SPATC1: variants seen among roughly 807,000 people sequenced by gnomAD.
SPATC1 encodes speriolin.
In SPATC1, 35 loss-of-function variants were observed where a neutral mutation model predicts 36.5. That is an observed-to-expected ratio of 0.96 (90% CI 0.73 to 1.27). SPATC1 has a LOEUF of 1.27. Ranked by LOEUF, SPATC1 falls within the 50% of genes most tolerant of loss-of-function variation. The pLI, the probability that SPATC1 is intolerant of heterozygous loss-of-function variation, is 0.00. For synonymous variants in SPATC1, 361 were observed against 353.6 expected (o/e 1.02, Z -0.24); for missense variants, 779 against 796.0 (o/e 0.98, Z 0.26).
intron 1 of SPATC1, among the ~76,000 whole-genome samples, chr8:144,038,847 T>C (rs927251363): frequency 1.3e-5 from 2 of 152,214 alleles, no homozygotes; most frequent in African/African-American, 4.8e-5. Context: ...TGCCCGTGGC[T>C]GCCTTCTGAA....
upstream of SPATC1, among the ~76,000 whole-genome samples, chr8:144,011,182 G>A (rs1834279368): frequency 6.6e-6 from 1 of 152,056 alleles, no homozygotes; most frequent in Non-Finnish European, 1.5e-5. This position sits in a 1 kb window ranked among gnomAD's most constrained non-coding sequence, Gnocchi z 4.5. Context: ...AACCCAAGAG[G>A]CTAACAGTGA....
At position 144,046,896 on chromosome 8, in the gene SPATC1, G is replaced by A; in HGVS notation, c.1716G>A (p.Leu572=). 1.3e-6 allele frequency: 2 copies of A among 1,599,378 alleles called. No homozygotes were observed. Among genetic ancestry groups the A allele is most frequent in the Non-Finnish European group, 1.7e-6 (2 of 1,179,732 alleles). The change falls in exon 5 of 5, where the codon CTG becomes CTA. Residue 572 remains leucine (L), a synonymous_variant. Coordinates refer to ENST00000377470, the MANE Select transcript of SPATC1 (RefSeq NM_198572.3). The surrounding 1 kb of genome is among the most constrained non-coding windows in gnomAD (Gnocchi z 6.6). ...VHPGMLADAL[L]LLSCLSQLAH... ...CCGGCATGCTCGCCGACGCGCTGCT[G>A]CTGCTCTCCTGCCTCAGCCAGCTGG... is the stretch of plus-strand genomic sequence containing the variant.
In SPATC1 at chr8:144,041,372, G is replaced by T. The variant is rs782585134; in HGVS notation, c.1446+1G>T. On this transcript the variant is annotated splice_donor_variant, in intron 4 of 4. Transcript: ENST00000377470. LOFTEE classifies it high-confidence loss of function. Reference sequence around the variant, plus strand: ...CAACATCCCAGAGAAGATCATCCAGGTGTGCGGCCAGGGGTCCTGCAGGGA... The same window carrying T: ...CAACATCCCAGAGAAGATCATCCAGTTGTGCGGCCAGGGGTCCTGCAGGGA... 1 of 1,607,686 alleles carries T rather than the reference G, an allele frequency of 6.2e-7. No homozygotes were observed. Among genetic ancestry groups the T allele is most frequent in the East Asian group, 2.2e-5 (1 of 44,878 alleles).
At chr8:144,031,239 G>A (rs1166234876) in intron 1 of SPATC1, among the ~76,000 whole-genome samples, 5 of 151,916 alleles carry the variant, frequency 3.3e-5, no homozygotes, top group Middle Eastern at 3.2e-3. Context: ...TGTTTATCTG[G>A]GAATGTCTTA....
intron 1 of SPATC1, among the ~76,000 whole-genome samples, chr8:144,031,497 C>G (rs1834795422): frequency 1.4e-5 from 2 of 146,768 alleles, no homozygotes. Context: ...CTACGTTGCC[C>G]TGGCTGGTCT....
At chr8:144,038,040 T>C (rs1351330880) in intron 1 of SPATC1, among the ~76,000 whole-genome samples, 1 of 149,616 alleles carries the variant, frequency 6.7e-6, no homozygotes, top group Non-Finnish European at 1.5e-5. Flanking sequence ...GGCAGGAGAA[T>C]GGCGTGAACC....
At chr8:144,023,940 C>A (rs1326172309) in intron 1 of SPATC1, among the ~76,000 whole-genome samples, 1 of 95,350 alleles carries the variant, frequency 1.0e-5, no homozygotes, top group Non-Finnish European at 2.2e-5. Context: ...AAAACCTTCC[C>A]CCCTCAGGAC....
rs1835270788 is a variant in SPATC1, at chr8:144,046,682, C to T, written c.1502C>T (p.Thr501Ile). The T allele has an allele frequency of 6.2e-7, 1 of 1,612,342 alleles. No individual in the cohort carries two copies. The highest frequency in any genetic ancestry group is 8.5e-7 in the Non-Finnish European group (1 of 1,179,958). ...GATGAGAAGCTGTGCCAGAGGCTCA[C>T]ACAGCGCTATGTGAGCGTCATGAAC... ...KLDEKLCQRL[T>I]QRYVSVMNRL... is the part of the protein sequence containing the mutation. The change falls in exon 5 of 5, where the codon ACA (threonine) becomes ATA (isoleucine). Residue 501 changes from threonine (T) to isoleucine (I), a missense_variant. Physicochemically the swap from Thr to Ile is moderately conservative, Grantham distance 89. Coordinates refer to ENST00000377470, the MANE Select transcript of SPATC1 (RefSeq NM_198572.3). This position sits in a 1 kb window ranked among gnomAD's most constrained non-coding sequence, Gnocchi z 6.6.
At chr8:144,026,262 G>A (rs1834675192) in intron 1 of SPATC1, among the ~76,000 whole-genome samples, 2 of 152,126 alleles carry the variant, frequency 1.3e-5, no homozygotes, top group East Asian at 3.8e-4. Flanking sequence ...GTAGCTCCTG[G>A]CTATAGTTAG....
At chr8:144,037,839 A>C (rs1834948088) in intron 1 of SPATC1, among the ~76,000 whole-genome samples, 1 of 151,548 alleles carries the variant, frequency 6.6e-6, no homozygotes, top group African/African-American at 2.4e-5. Context: ...AAAAAAAAAG[A>C]ATGAATTTTG....
chr8:144,042,020 G>A (rs1392755949), intron 4 of SPATC1: 2 of 984,814 alleles, frequency 2.0e-6, no homozygotes, highest in Non-Finnish European at 2.4e-6. Flanking sequence ...AGGGTGAGCT[G>A]AGATTGAGCC....
chr8:144,024,387 G>A (rs1308247525), intron 1 of SPATC1, among the ~76,000 whole-genome samples: 1 of 143,400 alleles, frequency 7.0e-6, no homozygotes, highest in African/African-American at 2.6e-5. Context: ...CTTCCCTCAG[G>A]ACCCCCTTCC....
chr8:144,014,324 AAAG>A (rs1306786610), intron 1 of SPATC1, among the ~76,000 whole-genome samples: 3 of 151,430 alleles, frequency 2.0e-5, no homozygotes, highest in Non-Finnish European at 4.4e-5. Context: ...GGAAAGGAAA[AAAG>A]AAAGAAAGAA....
At position 144,047,020 on chromosome 8, in the gene SPATC1, C is replaced by T; in HGVS notation, c.*64C>T. On this transcript the variant is annotated 3_prime_UTR_variant, in exon 5 of 5. Coordinates refer to ENST00000377470, the MANE Select transcript of SPATC1 (RefSeq NM_198572.3). This position sits in a 1 kb window ranked among gnomAD's most constrained non-coding sequence, Gnocchi z 4.1. ...GCCCTGTGCACGGCCATTAAAGCTT[C>T]CCACAGACACTGGTCGCTGGGCCTG... The T allele has an allele frequency of 6.6e-7, 1 of 1,526,124 alleles. No individual in the cohort carries two copies. Among genetic ancestry groups the T allele is most frequent in the Non-Finnish European group, 8.8e-7 (1 of 1,137,536 alleles). 94.5% of individuals were successfully genotyped at this position (1,526,124 alleles called of 1,614,324 possible).
chr8:144,041,434 C>G lies in SPATC1; in HGVS notation c.1446+63C>G, dbSNP rs1246670727. On this transcript the variant is annotated intron_variant, in intron 4 of 4. Transcript: ENST00000377470. Reference sequence around the variant, plus strand: ...TTGGCCCATGAGGGGCCGTGGGGACCCTGCACTCTGGCCAGGCCAAACTTG... The same window carrying G: ...TTGGCCCATGAGGGGCCGTGGGGACGCTGCACTCTGGCCAGGCCAAACTTG... 1.3e-5 allele frequency: 20 copies of G among 1,576,258 alleles called. No homozygotes were observed. In the Admixed American group the frequency reaches 1.4e-4, roughly 11 times the overall value.
At chr8:144,017,402 G>A (rs1834416204) in intron 1 of SPATC1, among the ~76,000 whole-genome samples, 1 of 152,138 alleles carries the variant, frequency 6.6e-6, no homozygotes. Flanking sequence ...TCTGTGCACA[G>A]CCCTACCTCT....
In SPATC1 at chr8:144,046,787, G is replaced by A. The variant is rs1177391334; in HGVS notation, c.1607G>A (p.Arg536Gln). ...CTGGTGAACGCTTATGGCATCCTGC[G>A]AGAGCGCCCGGAGCTGGCGGCGTCT... ...EQLVNAYGILRERPELAASEG... is the reference protein window; with the variant it reads ...EQLVNAYGILQERPELAASEG... The change falls in exon 5 of 5, where the codon CGA becomes CAA. Residue 536 changes from arginine to glutamine, a missense_variant. By Grantham distance (43) the Arg-to-Gln change is conservative. Transcript: ENST00000377470. The surrounding 1 kb of genome is among the most constrained non-coding windows in gnomAD (Gnocchi z 6.6). 3.1e-6 allele frequency: 5 copies of A among 1,608,902 alleles called. No homozygotes were observed. Among genetic ancestry groups the A allele is most frequent in the African/African-American group, 2.7e-5 (2 of 74,930 alleles).
Position 144,044,936 on chromosome 8 carries a change from G to A in SPATC1, c.1447-1691G>A, listed in dbSNP as rs141718994. 1.2e-3 allele frequency among the ~76,000 whole-genome samples: 179 copies of A among 152,282 alleles called. 1 individual carries two copies. Among genetic ancestry groups the A allele is most frequent in the African/African-American group, 3.4e-3 (141 of 41,566 alleles). ...TGCACTCCACCCTGGGCAACACAGC[G>A]AGACTCCGTCTCAAAACAACAACAA... is the stretch of plus-strand genomic sequence containing the variant. On this transcript the variant is annotated intron_variant, in intron 4 of 4. Transcript: ENST00000377470.
intron 1 of SPATC1, among the ~76,000 whole-genome samples, chr8:144,014,796 A>AT (rs1834349975): frequency 6.6e-6 from 1 of 152,206 alleles, no homozygotes; most frequent in African/African-American, 2.4e-5. Flanking sequence ...GCCCTGACCC[A>AT]TGTGTGTCTC....
Sources: allele counts gnomAD v4.1 joint callset (sites outside exome capture counted in the v4.1 genomes callset), GRCh38; gene constraint gnomAD v4.1.1; non-coding constraint Gnocchi (gnomAD v3.1); transcripts MANE v1.5; gene names NCBI Gene and HGNC (gene_info 2026-07-23, HGNC 2026-07-21).